RUNDC3B: variants seen among roughly 807,000 people sequenced by gnomAD.
RUNDC3B encodes the protein RUN domain-containing protein 3B.
Under a neutral mutation model 58.4 loss-of-function variants are expected in RUNDC3B, and 33 were observed. The ratio of observed to expected loss-of-function variants is 0.56; its 90% CI spans 0.43 to 0.75. RUNDC3B has a LOEUF of 0.75. Among genes scored for constraint, RUNDC3B ranks in the 30% least tolerant of loss-of-function variants. The probability of loss-of-function intolerance (pLI) is 0.00; values close to 1 mark genes in which losing one functional copy is unlikely to be tolerated. For missense variants in RUNDC3B, 501 were observed against 535.7 expected (o/e 0.94, Z 0.64); for synonymous variants, 193 against 195.2 (o/e 0.99, Z 0.10).
At chr7:87,813,136 C>T (rs1836814826) in intron 9 of RUNDC3B, among the ~76,000 whole-genome samples, 1 of 152,202 alleles carries the variant, frequency 6.6e-6, no homozygotes, top group Admixed American at 6.5e-5. Flanking sequence ...TGCTTCAGAA[C>T]ATCATCTACC....
intron 6 of RUNDC3B, among the ~76,000 whole-genome samples, chr7:87,763,821 C>A (rs10952899): frequency 0.14 from 21,922 of 151,558 alleles, 2,532 homozygotes; most frequent in African/African-American, 0.32. Context: ...TTTCTAGATC[C>A]CTGACTAAGA....
At chr7:87,764,137 A>G (rs1019694439) in intron 6 of RUNDC3B, among the ~76,000 whole-genome samples, 1 of 151,836 alleles carries the variant, frequency 6.6e-6, no homozygotes, top group African/African-American at 2.4e-5. Flanking sequence ...TTTAAGCAAC[A>G]TTCAACAAAG....
intron 2 of RUNDC3B, among the ~76,000 whole-genome samples, chr7:87,683,685 C>T (rs1341597556): frequency 6.6e-6 from 1 of 152,152 alleles, no homozygotes; most frequent in East Asian, 1.9e-4. Flanking sequence ...GATCACTCAT[C>T]ACAGTTCACC....
intron 2 of RUNDC3B, among the ~76,000 whole-genome samples, chr7:87,677,560 G>C (rs1826501510): frequency 6.6e-6 from 1 of 152,092 alleles, no homozygotes; most frequent in East Asian, 1.9e-4. Context: ...AAGGGTACAA[G>C]CCTTCAGTTA....
At chr7:87,826,743 G>T (rs992379312) in intron 10 of RUNDC3B, among the ~76,000 whole-genome samples, 1 of 152,038 alleles carries the variant, frequency 6.6e-6, no homozygotes, top group Non-Finnish European at 1.5e-5. Context: ...CAAATTGAAA[G>T]ATCTAACCAA....
chr7:87,647,763 T>C (rs1823158581), intron 1 of RUNDC3B, among the ~76,000 whole-genome samples: 1 of 142,820 alleles, frequency 7.0e-6, no homozygotes. Context: ...CAAATACACA[T>C]CATGATCAGA....
intron 5 of RUNDC3B, 33 bp downstream of exon 5, chr7:87,739,913 A>T (rs1457306782): frequency 3.8e-6 from 4 of 1,042,970 alleles, no homozygotes; most frequent in Non-Finnish European, 5.8e-6. Flanking sequence ...TTTTTAAATT[A>T]TTCTATATCT....
chr7:87,692,090 C>G (rs1828067489), intron 2 of RUNDC3B, among the ~76,000 whole-genome samples: 1 of 152,110 alleles, frequency 6.6e-6, no homozygotes, highest in Non-Finnish European at 1.5e-5. Context: ...TTCCCATGGT[C>G]TTTCACAGCC....
At chr7:87,698,077 G>T (rs1828654548) in intron 2 of RUNDC3B, among the ~76,000 whole-genome samples, 1 of 152,170 alleles carries the variant, frequency 6.6e-6, no homozygotes, top group African/African-American at 2.4e-5. Flanking sequence ...TTTGTAAGTA[G>T]CAAAATTTTA....
intron 6 of RUNDC3B, among the ~76,000 whole-genome samples, chr7:87,754,515 A>G (rs543592956): frequency 2.6e-5 from 4 of 152,210 alleles, no homozygotes; most frequent in Non-Finnish European, 5.9e-5. Flanking sequence ...ACAACCTAAT[A>G]TCACAATGGA....
chr7:87,829,840 T>A (rs1313623825), intron 10 of RUNDC3B, 45 bp from the exon 11 acceptor site: 1 of 1,390,472 alleles, frequency 7.2e-7, no homozygotes. Flanking sequence ...TTTGTATCAT[T>A]CTTGAAGGGC....
intron 2 of RUNDC3B, among the ~76,000 whole-genome samples, chr7:87,677,619 A>G (rs1048046224): frequency 3.9e-5 from 6 of 152,128 alleles, no homozygotes; most frequent in Non-Finnish European, 8.8e-5. Context: ...GAAAATTGCT[A>G]TGATAGTAGA....
intron 8 of RUNDC3B, among the ~76,000 whole-genome samples, chr7:87,794,967 C>A (rs942473421): frequency 6.6e-6 from 1 of 152,096 alleles, no homozygotes; most frequent in Non-Finnish European, 1.5e-5. Context: ...ATACAAAAAT[C>A]AAATCAAAAT....
intron 1 of RUNDC3B, 68 bp downstream of exon 1, chr7:87,629,013 G>C: frequency 7.9e-7 from 1 of 1,262,570 alleles, no homozygotes; most frequent in South Asian, 3.8e-5. Context: ...TTCCGCGCGG[G>C]TCCTTGGGGG....
At chr7:87,661,192 A>G (rs1221150069) in intron 2 of RUNDC3B, among the ~76,000 whole-genome samples, 1 of 151,996 alleles carries the variant, frequency 6.6e-6, no homozygotes, top group East Asian at 1.9e-4. Context: ...CAGGCACACA[A>G]TGTGTAATAA....
chr7:87,692,218 C>T (rs1163468712), intron 2 of RUNDC3B, among the ~76,000 whole-genome samples: 3 of 152,008 alleles, frequency 2.0e-5, no homozygotes, highest in Non-Finnish European at 1.5e-5. Context: ...TGGGAGACCA[C>T]GGCAGGATAA....
chr7:87,822,895 G>T (rs1359597976), intron 10 of RUNDC3B, among the ~76,000 whole-genome samples: 2 of 152,074 alleles, frequency 1.3e-5, no homozygotes, highest in Non-Finnish European at 2.9e-5. Context: ...TTGTGGGGTA[G>T]GGGTAGTGGG....
chr7:87,819,486 AAAGTT>A (rs1837284348), intron 10 of RUNDC3B, among the ~76,000 whole-genome samples: 1 of 152,148 alleles, frequency 6.6e-6, no homozygotes, highest in Admixed American at 6.6e-5. Context: ...AACGAGACAG[AAAGTT>A]AACAAGGATA....
Position 87,755,973 on chromosome 7 carries a change from A to G in RUNDC3B, c.629+14394A>G, listed in dbSNP as rs149011429. Among the ~76,000 whole-genome samples the G allele has an allele frequency of 3.6e-3, 543 of 152,242 alleles. 15 individuals carry two copies. Among genetic ancestry groups the G allele is most frequent in the Admixed American group, 0.033 (506 of 15,274 alleles). On this transcript the variant is annotated intron_variant, in intron 6 of 10. Coordinates refer to ENST00000394654, the MANE Select transcript of RUNDC3B (RefSeq NM_001134405.2). The stretch of plus-strand genomic sequence containing the variant: ...AAAAATTTAAAAAATATTGTCCTGT[A>G]AGAATGGAATTGGAGGAGGGTAGAG...
Sources: allele counts gnomAD v4.1 joint callset (sites outside exome capture counted in the v4.1 genomes callset), GRCh38; gene constraint gnomAD v4.1.1; transcripts MANE v1.5; gene names NCBI Gene and HGNC (gene_info 2026-07-23, HGNC 2026-07-21).